Variants in GPATCH2L observed in about 807,000 individuals in gnomAD.
The protein encoded by GPATCH2L is G-patch domain containing 2 like, also known as G patch domain-containing protein 2-like.
GPATCH2L carries 31 observed loss-of-function variants against 57.4 expected under a neutral mutation model. The observed-to-expected ratio is 0.54, with a 90% CI of 0.41 to 0.73. GPATCH2L has a LOEUF of 0.73. Among genes scored for constraint, GPATCH2L ranks in the 30% least tolerant of loss-of-function variants. GPATCH2L has a pLI of 0.00. For missense variants in GPATCH2L, 481 were observed against 599.9 expected, an observed-to-expected ratio of 0.80 and a Z score of 2.07; for synonymous variants, 199 against 210.7, an observed-to-expected ratio of 0.94 and a Z score of 0.48.
At chr14:76,221,378 G>C (rs749208630) in intron 1 of GPATCH2L, among the ~76,000 whole-genome samples, 5 of 152,170 alleles carry the variant, frequency 3.3e-5, no homozygotes, top group African/African-American at 1.2e-4. Flanking sequence ...CAACAGGAAC[G>C]CTAATGGGAA....
intron 1 of GPATCH2L, chr14:76,152,726 T>G: frequency 2.2e-6 from 1 of 456,150 alleles, no homozygotes; most frequent in Non-Finnish European, 4.4e-6. Flanking sequence ...GCAAGTTGTT[T>G]GATGACTTCG....
intron 2 of GPATCH2L, among the ~76,000 whole-genome samples, chr14:76,164,945 TAGAG>T (rs1051964921): frequency 2.0e-4 from 30 of 152,126 alleles, no homozygotes; most frequent in African/African-American, 6.3e-4. Context: ...GAAGGTTAGA[TAGAG>T]AGATGTGAAA....
At chr14:76,176,237 G>T (rs753480521) in intron 5 of GPATCH2L, 5 of 162,016 alleles carry the variant, frequency 3.1e-5, no homozygotes, top group Admixed American at 1.3e-4. Flanking sequence ...ATCAAATCAC[G>T]TAGCTCTCTA....
In GPATCH2L at chr14:76,207,675, C is replaced by T. The variant is rs1426195791; in HGVS notation, c.*5824C>T. On this transcript the variant is annotated 3_prime_UTR_variant, in exon 10 of 10. Coordinates refer to ENST00000261530, the MANE Select transcript of GPATCH2L (RefSeq NM_017926.4). Reference sequence around the variant, plus strand: ...AATTTTCTGTGATCCCACTTAATCACACCGTGTTTTCTTTTTTTAGATTTC... The same window carrying T: ...AATTTTCTGTGATCCCACTTAATCATACCGTGTTTTCTTTTTTTAGATTTC... The T allele has an allele frequency of 6.6e-6, 1 of 152,174 alleles. No individual in the cohort carries two copies. The highest frequency in any genetic ancestry group is 6.5e-5 in the Admixed American group (1 of 15,278). The allele number at this position is 152,174 out of a possible 1,614,324, so 9.4% of individuals were successfully genotyped here. A position where few individuals can be genotyped will look rare whatever the true frequency, so the allele number is the denominator to read the frequency against.
intron 9 of GPATCH2L, among the ~76,000 whole-genome samples, 170 bp from the exon 10 acceptor site, chr14:76,201,521 T>G (rs1390947680): frequency 6.6e-6 from 1 of 152,250 alleles, no homozygotes; most frequent in Non-Finnish European, 1.5e-5. Flanking sequence ...AATCTTGTCT[T>G]TACTTTTTTG....
At chr14:76,223,839 A>C (rs1026573671) in intron 1 of GPATCH2L, among the ~76,000 whole-genome samples, 1 of 152,220 alleles carries the variant, frequency 6.6e-6, no homozygotes, top group Non-Finnish European at 1.5e-5. Context: ...AAGATGCTCA[A>C]CATCATTAGT....
Position 76,180,864 on chromosome 14 carries a change from G to A in GPATCH2L, c.1193+15G>A, listed in dbSNP as rs1333993486. On this transcript the variant is annotated intron_variant, in intron 8 of 9. Coordinates refer to ENST00000261530, the MANE Select transcript of GPATCH2L (RefSeq NM_017926.4). The stretch of plus-strand genomic sequence containing the variant: ...TGCTCTGCCAGGTAATTGTCTTTTA[G>A]TAGCGGTTATTTGCTTCTGGACAAT... The A allele has an allele frequency of 1.0e-5, 16 of 1,527,286 alleles. No individual in the cohort carries two copies. The highest frequency in any genetic ancestry group is 1.7e-5 in the Admixed American group (1 of 59,910). The allele number at this position is 1,527,286 out of a possible 1,614,324, so 94.6% of individuals were successfully genotyped here.
At chr14:76,193,354 A>C (rs2040043806) in intron 8 of GPATCH2L, among the ~76,000 whole-genome samples, 1 of 152,118 alleles carries the variant, frequency 6.6e-6, no homozygotes, top group South Asian at 2.1e-4. Context: ...AAAATGGTGA[A>C]AATGATGGAT....
At chr14:76,194,141 T>G (rs1335780127) in intron 8 of GPATCH2L, among the ~76,000 whole-genome samples, 3 of 152,200 alleles carry the variant, frequency 2.0e-5, no homozygotes, top group Non-Finnish European at 4.4e-5. Flanking sequence ...TATTATTAAA[T>G]CAGCATGCTG....
chr14:76,218,798 A>T (rs957055292), downstream of GPATCH2L, among the ~76,000 whole-genome samples: 1 of 152,006 alleles, frequency 6.6e-6, no homozygotes, highest in Non-Finnish European at 1.5e-5. Context: ...TCAAAAATAG[A>T]TCTAAATACT....
chr14:76,169,524 C>G (rs2038992905), intron 3 of GPATCH2L, among the ~76,000 whole-genome samples: 1 of 152,186 alleles, frequency 6.6e-6, no homozygotes, highest in African/African-American at 2.4e-5. Flanking sequence ...TAGCTTCTTG[C>G]TTATTCCCTG....
intron 1 of GPATCH2L, among the ~76,000 whole-genome samples, chr14:76,227,733 C>T (rs376654955): frequency 9.0e-5 from 2 of 22,304 alleles, no homozygotes; most frequent in South Asian, 1.5e-3. Flanking sequence ...ACAAGAACTC[C>T]ATAGGATTGA....
At chr14:76,185,645 A>T (rs1020761003) in intron 8 of GPATCH2L, among the ~76,000 whole-genome samples, 1 of 152,296 alleles carries the variant, frequency 6.6e-6, no homozygotes, top group Non-Finnish European at 1.5e-5. Context: ...TTGGTCAAGC[A>T]TTACCATTTT....
intron 1 of GPATCH2L, among the ~76,000 whole-genome samples, chr14:76,227,326 C>G (rs2040540306): frequency 6.6e-6 from 1 of 152,176 alleles, no homozygotes; most frequent in Non-Finnish European, 1.5e-5. Context: ...CCCTCTTCTC[C>G]TAACCTCAAA....
chr14:76,192,341 A>G (rs184856625), intron 8 of GPATCH2L, among the ~76,000 whole-genome samples: 74 of 152,168 alleles, frequency 4.9e-4, no homozygotes, highest in African/African-American at 1.6e-3. Flanking sequence ...CAGTTTGATC[A>G]TTTCTCTTCT....
chr14:76,192,765 AG>A (rs2040020783), intron 8 of GPATCH2L, among the ~76,000 whole-genome samples: 1 of 152,176 alleles, frequency 6.6e-6, no homozygotes, highest in African/African-American at 2.4e-5. Context: ...AGTCCACAAA[AG>A]TATATACTTT....
At chr14:76,152,308 G>A (rs1270445766) in intron 1 of GPATCH2L, among the ~76,000 whole-genome samples, 1 of 152,166 alleles carries the variant, frequency 6.6e-6, no homozygotes, top group Non-Finnish European at 1.5e-5. Flanking sequence ...GCGTGGTGGA[G>A]AGTCCTTCGA....
At chr14:76,226,500 C>T (rs8007339) in intron 1 of GPATCH2L, among the ~76,000 whole-genome samples, 31,277 of 152,078 alleles carry the variant, frequency 0.21, 3,569 homozygotes, top group African/African-American at 0.3. Flanking sequence ...TGTTCTATGT[C>T]TTTGTTTAGA....
chr14:76,216,462 A>G (rs1311642557), downstream of GPATCH2L, among the ~76,000 whole-genome samples: 2 of 152,242 alleles, frequency 1.3e-5, no homozygotes, highest in African/African-American at 4.8e-5. Flanking sequence ...AGATAAAGTT[A>G]TGAATATGAA....
Sources: allele counts gnomAD v4.1 joint callset (sites outside exome capture counted in the v4.1 genomes callset), GRCh38; gene constraint gnomAD v4.1.1; transcripts MANE v1.5; gene names NCBI Gene and HGNC (gene_info 2026-07-23, HGNC 2026-07-21).